Variants in BICRA observed in about 807,000 individuals in gnomAD.
BICRA encodes BRD4 interacting chromatin remodeling complex associated protein.
Under a neutral mutation model 96.9 loss-of-function variants are expected in BICRA, and 31 were observed. The ratio of observed to expected loss-of-function variants is 0.32; its 90% CI spans 0.24 to 0.43. The LOEUF is 0.43. Ranked by LOEUF, BICRA falls within the 20% of genes least tolerant of loss-of-function variation. BICRA has a pLI of 1.00. For missense variants in BICRA, 2,283 were observed against 2,190.3 expected (o/e 1.04, Z -0.84); for synonymous variants, 1,350 against 1,071.8 (o/e 1.26, Z -5.07).
chr19:47,685,786 T>TGTGTGTGTGTGTGTGTGTGC lies in BICRA; in HGVS notation c.2283+3635_2283+3636insTGTGTGTGTGTGTGTGTGCG. Reference sequence around the variant, plus strand: ...GTGTGTGTGTGTGTGTGTGTGTGTGTGCGCGCGCGCGCGCATGCGTACATT... The same window carrying TGTGTGTGTGTGTGTGTGTGC: ...GTGTGTGTGTGTGTGTGTGTGTGTGTGTGTGTGTGTGTGTGTGTGCGCGCGCGCGCGCGCATGCGTACATT... On this transcript the variant is annotated intron_variant, in intron 7 of 14. Transcript: ENST00000594866. 1.5e-4 allele frequency among the ~76,000 whole-genome samples: 18 copies of TGTGTGTGTGTGTGTGTGTGC among 117,968 alleles called. 1 individual carries two copies. The highest frequency in any genetic ancestry group is 7.0e-4 in the East Asian group (2 of 2,866). 77.4% of individuals were successfully genotyped at this position (117,968 alleles called of 152,430 possible). A position where few individuals can be genotyped will look rare whatever the true frequency, so the allele number is the denominator to read the frequency against.
chr19:47,660,436 C>T (rs902466841), intron 1 of BICRA, among the ~76,000 whole-genome samples: 2 of 152,132 alleles, frequency 1.3e-5, no homozygotes, highest in African/African-American at 4.8e-5. Flanking sequence ...TAAGGATGGC[C>T]ACATCCACAG....
At chr19:47,687,371 A>G (rs761404034) in intron 7 of BICRA, among the ~76,000 whole-genome samples, 9 of 152,148 alleles carry the variant, frequency 5.9e-5, no homozygotes, top group Non-Finnish European at 1.3e-4. Flanking sequence ...CTTGTGGGCT[A>G]TAGTTTGCCT....
At position 47,610,379 on chromosome 19, in the gene BICRA, C is replaced by G. The variant is rs545200905; in HGVS notation, c.-108+1211C>G. On this transcript the variant is annotated intron_variant, in intron 1 of 14. Coordinates refer to ENST00000594866, the MANE Select transcript of BICRA (RefSeq NM_001394372.1). ...GAGCCGCGGGAGAGCTAGGCTCGGG[C>G]TCGGGCGCCGGCGGTGATTGGGAGG... 3.3e-5 allele frequency among the ~76,000 whole-genome samples: 5 copies of G among 152,348 alleles called. No individual in the cohort carries two copies. The East Asian group carries it at 9.6e-4, about 29-fold the overall frequency.
At position 47,647,877 on chromosome 19, in the gene BICRA, G is replaced by A. The variant is rs115754291; in HGVS notation, c.-107-22566G>A. Among the ~76,000 whole-genome samples, 245 of 151,334 alleles carry A rather than the reference G, an allele frequency of 1.6e-3. 1 individual carries two copies. Among genetic ancestry groups the A allele is most frequent in the African/African-American group, 5.6e-3 (231 of 41,178 alleles). ...CTGTTGGGCTTGAGTGTCTAGATATGGAGACCGTAGTTCGCGGGGGGAGTG... is the reference window on the plus strand; with the variant it reads ...CTGTTGGGCTTGAGTGTCTAGATATAGAGACCGTAGTTCGCGGGGGGAGTG... On this transcript the variant is annotated intron_variant, in intron 1 of 14. Transcript: ENST00000594866.
rs1333502897 is a variant in BICRA, at chr19:47,681,348, G to A, written c.2106+72G>A. 9.5e-6 allele frequency: 13 copies of A among 1,373,186 alleles called. No individual in the cohort carries two copies. In the Admixed American group the frequency reaches 1.8e-4, roughly 19 times the overall value. 85.1% of individuals were successfully genotyped at this position (1,373,186 alleles called of 1,614,324 possible). On this transcript the variant is annotated intron_variant, in intron 6 of 14. Coordinates refer to ENST00000594866, the MANE Select transcript of BICRA (RefSeq NM_001394372.1). Reference sequence around the variant, plus strand: ...GGGAGGAAGAGGGGTCCTGGGGCGAGGCGCCAAGATCCAAAAGTGGATGCC... The same window carrying A: ...GGGAGGAAGAGGGGTCCTGGGGCGAAGCGCCAAGATCCAAAAGTGGATGCC...
At position 47,675,622 on chromosome 19, in the gene BICRA, G is replaced by A. The variant is rs899039215; in HGVS notation, c.85-229G>A. Among the ~76,000 whole-genome samples, 12 of 152,210 alleles carry A rather than the reference G, an allele frequency of 7.9e-5. No individual in the cohort carries two copies. The highest frequency in any genetic ancestry group is 1.2e-4 in the Non-Finnish European group (8 of 68,036). On this transcript the variant is annotated intron_variant, in intron 4 of 14. Transcript: ENST00000594866. This position sits in a 1 kb window ranked among gnomAD's most constrained non-coding sequence, Gnocchi z 4.7. ...GAGGCAGTCACAGCAGGATCGCTTC[G>A]CAGGCCAGGCTCGGGGACTCAGTGC...
intron 1 of BICRA, among the ~76,000 whole-genome samples, chr19:47,627,689 G>T (rs904753115): frequency 6.6e-6 from 1 of 152,224 alleles, no homozygotes; most frequent in African/African-American, 2.4e-5. Context: ...GAGATTTTTG[G>T]AGGTTGGAAT....
At chr19:47,611,157 G>A (rs914084131) in intron 1 of BICRA, among the ~76,000 whole-genome samples, 24 of 152,124 alleles carry the variant, frequency 1.6e-4, no homozygotes, top group African/African-American at 5.8e-4. Context: ...AGTTTTTCCA[G>A]CTTGGCTCAA....
At chr19:47,640,336 G>A (rs769798197) in intron 1 of BICRA, among the ~76,000 whole-genome samples, 2 of 151,996 alleles carry the variant, frequency 1.3e-5, no homozygotes, top group East Asian at 1.9e-4. Flanking sequence ...GTTCGAGACC[G>A]GCCTGGCCAA....
intron 1 of BICRA, among the ~76,000 whole-genome samples, chr19:47,612,658 G>A (rs1353487536): frequency 2.0e-5 from 3 of 149,630 alleles, no homozygotes; most frequent in African/African-American, 7.4e-5. Context: ...TGACGGAGAG[G>A]GGCTGGACCC....
chr19:47,640,352 C>CA lies in BICRA; in HGVS notation c.-107-30086dup, dbSNP rs1972365788. On this transcript the variant is annotated intron_variant, in intron 1 of 14. Transcript: ENST00000594866. The stretch of plus-strand genomic sequence containing the variant: ...TTCGAGACCGGCCTGGCCAATGTGG[C>CA]AAAAATCTCTCTACTAAAAATAGAA... Among the ~76,000 whole-genome samples the CA allele has an allele frequency of 2.6e-5, 4 of 151,602 alleles. No homozygotes were observed. The South Asian group carries it at 8.3e-4, about 32-fold the overall frequency.
chr19:47,683,919 A>G (rs1052630715), intron 7 of BICRA, among the ~76,000 whole-genome samples: 2 of 152,260 alleles, frequency 1.3e-5, no homozygotes, highest in Admixed American at 1.3e-4. Context: ...TGTGGTACTC[A>G]TTCAAAAAAG....
At chr19:47,668,773 G>C (rs866372960) in intron 1 of BICRA, among the ~76,000 whole-genome samples, 1 of 152,092 alleles carries the variant, frequency 6.6e-6, no homozygotes, top group South Asian at 2.1e-4. Context: ...ATACAGGCAT[G>C]AGCCACGGCG....
rs1175920318 is a variant in BICRA, at chr19:47,680,198, T to G, written c.1028T>G (p.Ile343Ser). The G allele has an allele frequency of 1.3e-6, 2 of 1,550,786 alleles. No homozygotes were observed. Among genetic ancestry groups the G allele is most frequent in the Non-Finnish European group, 1.7e-6 (2 of 1,157,240 alleles). Residue 343 changes from isoleucine to serine, a missense_variant, in exon 6 of 15, where the codon ATC becomes AGC. Coordinates refer to ENST00000594866, the MANE Select transcript of BICRA (RefSeq NM_001394372.1). Reference protein sequence around the residue: ...SSPLVPAPNVILHRTPTPIQP... With the variant: ...SSPLVPAPNVSLHRTPTPIQP... ...CCACTGGTCCCGGCGCCCAACGTGA[T>G]CCTGCATCGCACACCCACGCCCATC...
At chr19:47,693,838 G>C (rs1973278658) in intron 7 of BICRA, among the ~76,000 whole-genome samples, 1 of 152,218 alleles carries the variant, frequency 6.6e-6, no homozygotes, top group Admixed American at 6.5e-5. Flanking sequence ...CGAGGGGTGG[G>C]GGGAATGGGG....
chr19:47,668,642 C>T (rs1972818782), intron 1 of BICRA, among the ~76,000 whole-genome samples: 1 of 152,046 alleles, frequency 6.6e-6, no homozygotes, highest in Admixed American at 6.6e-5. Flanking sequence ...CACCCGCCAC[C>T]AGGCCTGGCC....
chr19:47,700,343 T>C (rs1973421035), intron 14 of BICRA: 1 of 141,138 alleles, frequency 7.1e-6, no homozygotes, highest in Admixed American at 7.1e-5. Context: ...AGAGCGAGAC[T>C]CCGTCTCAAA....
chr19:47,614,266 C>G (rs1306482186), intron 1 of BICRA, among the ~76,000 whole-genome samples: 1 of 152,204 alleles, frequency 6.6e-6, no homozygotes, highest in Admixed American at 6.5e-5. Context: ...TCCCCAGAGA[C>G]AGCACCTCCA....
chr19:47,656,069 G>C (rs796569396), intron 1 of BICRA, among the ~76,000 whole-genome samples: 3 of 132,242 alleles, frequency 2.3e-5, no homozygotes, highest in African/African-American at 8.7e-5. Context: ...ATCCTGTCTC[G>C]ACACACACAC....
Sources: allele counts gnomAD v4.1 joint callset (sites outside exome capture counted in the v4.1 genomes callset), GRCh38; gene constraint gnomAD v4.1.1; non-coding constraint Gnocchi (gnomAD v3.1); transcripts MANE v1.5; gene names NCBI Gene and HGNC (gene_info 2026-07-23, HGNC 2026-07-21).